Variants in EFHC2 observed in about 807,000 individuals in gnomAD.
The protein encoded by EFHC2 is EF-hand domain-containing family member C2.
A neutral mutation model predicts 52.7 loss-of-function variants in EFHC2; 18 were observed. The ratio of observed to expected loss-of-function variants is 0.34; its 90% CI spans 0.24 to 0.51. EFHC2 has a LOEUF of 0.51. Among genes scored for constraint, EFHC2 ranks in the 20% least tolerant of loss-of-function variants. The pLI, the probability that EFHC2 is intolerant of heterozygous loss-of-function variation, is 0.97. For synonymous variants in EFHC2, 203 were observed against 204.1 expected (o/e 0.99, Z 0.04); for missense variants, 513 against 562.5 (o/e 0.91, Z 0.89).
intron 13 of EFHC2, among the ~76,000 whole-genome samples, chrX:44,169,722 TACAC>T (rs10642638): frequency 1.3e-4 from 13 of 102,901 alleles, no homozygotes; most frequent in African/African-American, 4.6e-4. Context: ...TAGCTACACA[TACAC>T]ACACACACAC....
chrX:44,260,504 A>G (rs1044112639), intron 4 of EFHC2, among the ~76,000 whole-genome samples: 4 of 111,337 alleles, frequency 3.6e-5, no homozygotes, highest in Non-Finnish European at 7.5e-5. Context: ...TTACTCCCTT[A>G]CACTAGCTGG....
At chrX:44,324,783 G>A (rs2038042392) in intron 1 of EFHC2, among the ~76,000 whole-genome samples, 1 of 112,285 alleles carries the variant, frequency 8.9e-6, no homozygotes. Flanking sequence ...TCAGAATGCA[G>A]TTCATTCAAC....
chrX:44,306,417 C>A (rs1201638709), intron 2 of EFHC2, among the ~76,000 whole-genome samples: 13 of 111,174 alleles, frequency 1.2e-4, no homozygotes, highest in African/African-American at 4.3e-4. Context: ...TAGTAACTCT[C>A]CCACGAGCCC....
chrX:44,236,800 A>G (rs966873825), intron 8 of EFHC2, among the ~76,000 whole-genome samples: 3 of 111,445 alleles, frequency 2.7e-5, no homozygotes, highest in Non-Finnish European at 3.8e-5. Context: ...CTTGTCAACC[A>G]TCTTCTCTGG....
At chrX:44,219,983 G>A (rs1031601743) in intron 11 of EFHC2, among the ~76,000 whole-genome samples, 2 of 111,024 alleles carry the variant, frequency 1.8e-5, no homozygotes, top group South Asian at 7.5e-4. Flanking sequence ...TCTTTTCCCA[G>A]GCTTTTTGGT....
intron 14 of EFHC2, among the ~76,000 whole-genome samples, chrX:44,160,740 T>A (rs1310477023): frequency 3.6e-5 from 4 of 110,265 alleles, no homozygotes; most frequent in African/African-American, 1.3e-4. Context: ...GCCAACATGG[T>A]GAAAACCTGT....
intron 14 of EFHC2, among the ~76,000 whole-genome samples, 166 bp from the exon 15 acceptor site, chrX:44,149,062 C>A (rs772364799): frequency 1.2e-3 from 133 of 112,339 alleles, no homozygotes; most frequent in Non-Finnish European, 1.7e-3. Flanking sequence ...CATTCCCTCC[C>A]TGTATAAGAA....
At position 44,148,774 on chromosome X, in the gene EFHC2, A is replaced by T; in HGVS notation, c.*21T>A. The T allele has an allele frequency of 3.5e-6, 4 of 1,140,690 alleles. No individual in the cohort carries two copies. Among genetic ancestry groups the T allele is most frequent in the Non-Finnish European group, 4.7e-6 (4 of 851,502 alleles). The allele number at this position is 1,140,690 out of a possible 1,213,427, so 94.0% of individuals were successfully genotyped here. A position where few individuals can be genotyped will look rare whatever the true frequency, so the allele number is the denominator to read the frequency against. On this transcript the variant is annotated 3_prime_UTR_variant, in exon 15 of 15. Transcript: ENST00000420999. ...AAAATGAGAGAAGTAAATCATAGAG[A>T]ATTGACCAAAACTGGCATGGTTATT...
intron 1 of EFHC2, among the ~76,000 whole-genome samples, chrX:44,326,585 C>A (rs769929800): frequency 9.1e-6 from 1 of 110,178 alleles, no homozygotes; most frequent in African/African-American, 3.3e-5. Context: ...TGGAAATAGC[C>A]AATAAACATA....
At chrX:44,193,743 C>T (rs770530480) in intron 11 of EFHC2, among the ~76,000 whole-genome samples, 89 of 111,069 alleles carry the variant, frequency 8.0e-4, no homozygotes, top group Middle Eastern at 4.7e-3. Flanking sequence ...AAAGGAGGGA[C>T]CTAGTTGTAT....
At position 44,280,030 on chromosome X, in the gene EFHC2, T is replaced by TACACACACACACACAC. The variant is rs766337222; in HGVS notation, c.232-7210_232-7195dup. Among the ~76,000 whole-genome samples the TACACACACACACACAC allele has an allele frequency of 3.5e-3, 236 of 66,813 alleles. 5 individuals carry two copies. Among genetic ancestry groups the TACACACACACACACAC allele is most frequent in the African/African-American group, 0.012 (195 of 16,402 alleles). 58.0% of individuals were successfully genotyped at this position (66,813 alleles called of 115,157 possible). On this transcript the variant is annotated intron_variant, in intron 2 of 14. Transcript: ENST00000420999. ...CGCCACAGACATCCACCATCCCCCA[T>TACACACACACACACAC]ACACACACACACACACACACACACA... is the stretch of plus-strand genomic sequence containing the variant.
chrX:44,271,618 G>T (rs2037617938), intron 3 of EFHC2, among the ~76,000 whole-genome samples: 1 of 110,766 alleles, frequency 9.0e-6, no homozygotes, highest in African/African-American at 3.3e-5. Flanking sequence ...CAGGCTGTCA[G>T]TGAAAAACCA....
At chrX:44,162,142 G>A (rs775512532) in intron 14 of EFHC2, among the ~76,000 whole-genome samples, 210 of 111,978 alleles carry the variant, frequency 1.9e-3, no homozygotes, top group Non-Finnish European at 3.0e-3. Context: ...AGCCTCCATG[G>A]CCAGGCGTGG....
chrX:44,331,664 C>T (rs1569310262), intron 1 of EFHC2, among the ~76,000 whole-genome samples: 1 of 112,183 alleles, frequency 8.9e-6, no homozygotes, highest in Non-Finnish European at 1.9e-5. Context: ...CACCTGTAAT[C>T]TCAACACTTC....
At chrX:44,217,526 G>C (rs193096651) in intron 11 of EFHC2, among the ~76,000 whole-genome samples, 2 of 111,413 alleles carry the variant, frequency 1.8e-5, no homozygotes, top group Admixed American at 1.9e-4. Flanking sequence ...ATACACAATG[G>C]AGTACTATTC....
chrX:44,301,969 G>T (rs1302598557), intron 2 of EFHC2, among the ~76,000 whole-genome samples: 1 of 112,078 alleles, frequency 8.9e-6, no homozygotes, highest in Non-Finnish European at 1.9e-5. Flanking sequence ...GAATAATGAT[G>T]CTATAAACAT....
chrX:44,217,466 C>A, intron 11 of EFHC2, among the ~76,000 whole-genome samples: 1 of 111,812 alleles, frequency 8.9e-6, no homozygotes, highest in Non-Finnish European at 1.9e-5. Flanking sequence ...GATTTGGAAG[C>A]AACCTAAGTG....
intron 11 of EFHC2, among the ~76,000 whole-genome samples, chrX:44,180,726 AGAC>A (rs2036827590): frequency 9.7e-6 from 1 of 103,139 alleles, no homozygotes; most frequent in South Asian, 4.4e-4. Flanking sequence ...TGACAGAGTG[AGAC>A]TCTGTCTCAA....
intron 10 of EFHC2, 102 bp from the exon 11 acceptor site, chrX:44,229,881 T>C: frequency 1.2e-6 from 1 of 841,374 alleles, no homozygotes; most frequent in Non-Finnish European, 1.7e-6. Flanking sequence ...ACTGTGAATA[T>C]GAAGTTAGCA....
Sources: gnomAD v4.1 joint callset for allele counts (sites outside exome capture counted in the v4.1 genomes callset) on GRCh38, gnomAD v4.1.1 for gene constraint, MANE v1.5 for transcripts, NCBI Gene and HGNC (gene_info 2026-07-23, HGNC 2026-07-21) for gene names.